The following TLE4 variants were observed in gnomAD, a reference collection of about 807,000 sequenced individuals.
TLE4 encodes TLE family member 4, transcriptional corepressor.
Under a neutral mutation model 92.8 loss-of-function variants are expected in TLE4, and 8 were observed. That is an observed-to-expected ratio of 0.09 (90% CI 0.05 to 0.16). The LOEUF is 0.16. Ranked by LOEUF, TLE4 falls within the 10% of genes least tolerant of loss-of-function variation. TLE4 has a pLI of 1.00. For synonymous variants in TLE4, 371 were observed against 374.1 expected (o/e 0.99, Z 0.10); for missense variants, 675 against 997.6 (o/e 0.68, Z 4.36).
intron 8 of TLE4, among the ~76,000 whole-genome samples, chr9:79,682,788 T>C (rs778138521): frequency 4.6e-5 from 7 of 152,174 alleles, no homozygotes; most frequent in Non-Finnish European, 1.0e-4. Context: ...TTGGTTGGGG[T>C]TGCAGATCAC....
intron 5 of TLE4, among the ~76,000 whole-genome samples, chr9:79,625,421 G>A (rs2052351432): frequency 6.6e-6 from 1 of 152,122 alleles, no homozygotes; most frequent in Non-Finnish European, 1.5e-5. Context: ...CATGATAGGA[G>A]TTAAAACACG....
rs376084840 is a variant in TLE4, at chr9:79,587,734, G to T, written c.252+11557G>T. On this transcript the variant is annotated intron_variant, in intron 4 of 19. Transcript: ENST00000376552. ...TGTTGCTTTTTTTGCAGTTGTAGCT[G>T]CATCTTCCTGGTCCTTCTATAGGCT... Among the ~76,000 whole-genome samples, 74 of 152,252 alleles carry T rather than the reference G, an allele frequency of 4.9e-4. No individual in the cohort carries two copies. In the East Asian group the frequency reaches 0.013, roughly 26 times the overall value.
chr9:79,630,429 T>C (rs1001890797), intron 6 of TLE4, among the ~76,000 whole-genome samples: 1 of 152,242 alleles, frequency 6.6e-6, no homozygotes, highest in Non-Finnish European at 1.5e-5. Context: ...ATCTTTTATT[T>C]ATAAGGAAGA....
At chr9:79,654,222 T>G in intron 8 of TLE4, 147 bp downstream of exon 8, 1 of 758,488 alleles carries the variant, frequency 1.3e-6, no homozygotes, top group East Asian at 2.9e-5. Flanking sequence ...CTTTCAGGTG[T>G]GTGGTTGATT....
At chr9:79,599,845 G>GC (rs1379224530) in intron 4 of TLE4, among the ~76,000 whole-genome samples, 1 of 152,072 alleles carries the variant, frequency 6.6e-6, no homozygotes, top group African/African-American at 2.4e-5. Flanking sequence ...CCCACCTCCT[G>GC]CCCCAGGGCT....
chr9:79,606,706 T>G (rs2047076740), intron 4 of TLE4, among the ~76,000 whole-genome samples: 1 of 152,164 alleles, frequency 6.6e-6, no homozygotes, highest in African/African-American at 2.4e-5. Context: ...GGACATGAAC[T>G]CGTCTTTTTT....
chr9:79,704,824 G>A lies in TLE4; in HGVS notation c.651G>A (p.Glu217=), dbSNP rs1257876482. 2 of 1,614,170 alleles carry A rather than the reference G, an allele frequency of 1.2e-6. No homozygotes were observed. The highest frequency in any genetic ancestry group is 2.2e-5 in the East Asian group (1 of 44,878). Residue 217 remains glutamate, a synonymous_variant, in exon 9 of 20, where the codon GAG becomes GAA. Transcript: ENST00000376552. ...CATCAGCCAGTTTCCGAGGTGCTGA[G>A]AAGCACAGAAACTCCGCAGACTACT... ...VSPSASFRGA[E]KHRNSADYSS...
intron 8 of TLE4, among the ~76,000 whole-genome samples, chr9:79,675,738 C>A (rs2063149377): frequency 6.6e-6 from 1 of 152,102 alleles, no homozygotes; most frequent in East Asian, 1.9e-4. Flanking sequence ...AAACACAGTC[C>A]TCAGCTTTAC....
At chr9:79,715,940 G>A (rs1428126330) in intron 14 of TLE4, among the ~76,000 whole-genome samples, 5 of 152,102 alleles carry the variant, frequency 3.3e-5, no homozygotes, top group Admixed American at 6.5e-5. Flanking sequence ...AGTGCTCCAC[G>A]TTCTATTTCC....
intron 8 of TLE4, among the ~76,000 whole-genome samples, chr9:79,697,322 A>G (rs1188443760): frequency 6.6e-6 from 1 of 152,174 alleles, no homozygotes; most frequent in Non-Finnish European, 1.5e-5. Flanking sequence ...TTAGACTGTT[A>G]ATACCATGCC....
chr9:79,619,968 T>C (rs2050566764), intron 5 of TLE4, among the ~76,000 whole-genome samples: 1 of 152,214 alleles, frequency 6.6e-6, no homozygotes, highest in African/African-American at 2.4e-5. Context: ...TTGGTGACAG[T>C]TGGCTGCTTG....
chr9:79,576,162 A>G lies in TLE4; in HGVS notation c.237A>G (p.Ile79Met). Residue 79 changes from isoleucine (I) to methionine (M), a missense_variant, in exon 4 of 20, where the codon ATA (isoleucine) becomes ATG (methionine). Ile to Met is a conservative substitution (Grantham distance 10). This residue lies in a region of TLE4 where 68 missense variants were observed against 141.2 expected (regional missense o/e 0.48). Transcript: ENST00000376552. ...ATGAAATGTCCTATGGGTTGAATAT[A>G]GAAATGCACAAGCAGGTAAGTTATT... ...MYYEMSYGLN[I>M]EMHKQAEIVK... 6.5e-7 allele frequency: 1 copy of G among 1,540,734 alleles called. No homozygotes were observed. Among genetic ancestry groups the G allele is most frequent in the South Asian group, 1.3e-5 (1 of 76,818 alleles).
intron 4 of TLE4, among the ~76,000 whole-genome samples, chr9:79,593,887 T>G (rs1280850878): frequency 1.3e-5 from 2 of 152,222 alleles, no homozygotes; most frequent in African/African-American, 4.8e-5. Flanking sequence ...TACAGTTTCT[T>G]CAACTCCTTA....
At chr9:79,595,948 A>T (rs1024733079) in intron 4 of TLE4, among the ~76,000 whole-genome samples, 1 of 149,732 alleles carries the variant, frequency 6.7e-6, no homozygotes, top group Non-Finnish European at 1.5e-5. Context: ...CCGGGTTCAC[A>T]CCATTCTCCT....
At chr9:79,641,500 C>T (rs62569309) in intron 6 of TLE4, among the ~76,000 whole-genome samples, 7,375 of 152,160 alleles carry the variant, frequency 0.048, 386 homozygotes, top group African/African-American at 0.13. Flanking sequence ...GTATTCTACC[C>T]GACTTCCCCA....
chr9:79,657,285 A>C (rs1385490398), intron 8 of TLE4, among the ~76,000 whole-genome samples: 2 of 152,218 alleles, frequency 1.3e-5, no homozygotes, highest in Non-Finnish European at 2.9e-5. Flanking sequence ...CCTTAATGGT[A>C]GGGCAGAAAG....
rs1027898573 is a variant in TLE4 at position 79,708,058 on chromosome 9, T to C, written c.937-60T>C. ...TTTCCTTTTCTTTACCTTTTTACTG[T>C]TTAACGTCATTGTTAAAACCATGTT... is the stretch of plus-strand genomic sequence containing the variant. On this transcript the variant is annotated intron_variant, in intron 11 of 19. Transcript: ENST00000376552. 1.7e-5 allele frequency: 26 copies of C among 1,566,610 alleles called. No homozygotes were observed. The African/African-American group carries it at 3.4e-4, about 20-fold the overall frequency.
intron 4 of TLE4, among the ~76,000 whole-genome samples, chr9:79,606,570 C>T (rs1286752034): frequency 6.6e-6 from 1 of 151,860 alleles, no homozygotes; most frequent in Non-Finnish European, 1.5e-5. Flanking sequence ...TGTTCCCTGC[C>T]CTGTGTCCAT....
intron 6 of TLE4, among the ~76,000 whole-genome samples, chr9:79,650,415 A>G (rs1217362002): frequency 6.6e-6 from 1 of 152,186 alleles, no homozygotes; most frequent in Non-Finnish European, 1.5e-5. Context: ...TGAGGTAGAA[A>G]GTGGCTGTGT....
Sources: gnomAD v4.1 joint callset for allele counts (sites outside exome capture counted in the v4.1 genomes callset) on GRCh38, gnomAD v4.1.1 for gene constraint, gnomAD v4.1.1 regional missense constraint, MANE v1.5 for transcripts, NCBI Gene and HGNC (gene_info 2026-07-23, HGNC 2026-07-21) for gene names.